AGBL4: variants seen among roughly 807,000 people sequenced by gnomAD.
AGBL4 encodes the protein cytosolic carboxypeptidase 6.
Under a neutral mutation model 66.4 loss-of-function variants are expected in AGBL4, and 58 were observed. That is an observed-to-expected ratio of 0.87 (90% confidence interval 0.71 to 1.09). AGBL4 has a LOEUF of 1.09. Among genes scored for constraint, AGBL4 ranks in the 50% least tolerant of loss-of-function variants. The pLI is 0.00. For missense variants in AGBL4, 579 were observed against 631.0 expected, an observed-to-expected ratio of 0.92 and a Z score of 0.88; for synonymous variants, 234 against 222.9, an observed-to-expected ratio of 1.05 and a Z score of -0.44.
chr1:48,862,788 T>C (rs978553717), intron 6 of AGBL4, among the ~76,000 whole-genome samples: 7 of 152,204 alleles, frequency 4.6e-5, no homozygotes, highest in Non-Finnish European at 1.0e-4. Context: ...GCTTTTAAGC[T>C]TATATAAATG....
intron 4 of AGBL4, among the ~76,000 whole-genome samples, chr1:49,151,865 A>G (rs1038022838): frequency 6.6e-6 from 1 of 152,174 alleles, no homozygotes; most frequent in Non-Finnish European, 1.5e-5. Context: ...AATACCTATT[A>G]ACATCTATTT....
intron 6 of AGBL4, among the ~76,000 whole-genome samples, chr1:48,685,273 A>G (rs1299809305): frequency 2.6e-5 from 4 of 152,252 alleles, no homozygotes; most frequent in Non-Finnish European, 5.9e-5. Flanking sequence ...AATAATGTCC[A>G]TGGGGCTAAT....
intron 6 of AGBL4, among the ~76,000 whole-genome samples, chr1:48,778,442 G>A (rs1645195245): frequency 6.6e-6 from 1 of 152,176 alleles, no homozygotes; most frequent in African/African-American, 2.4e-5. Flanking sequence ...TATTAAAGAA[G>A]TATAAGCAAG....
intron 8 of AGBL4, among the ~76,000 whole-genome samples, chr1:48,637,062 G>T (rs1396322361): frequency 6.6e-6 from 1 of 152,176 alleles, no homozygotes; most frequent in Non-Finnish European, 1.5e-5. Context: ...GAAGGAAGAA[G>T]ATATGCTTAC....
intron 3 of AGBL4, among the ~76,000 whole-genome samples, chr1:49,505,324 G>A (rs905220614): frequency 1.3e-4 from 20 of 150,756 alleles, no homozygotes; most frequent in African/African-American, 4.6e-4. Context: ...TAACCAGTGA[G>A]TTTTATATTC....
chr1:49,737,868 T>C (rs1311038594), intron 2 of AGBL4, among the ~76,000 whole-genome samples: 1 of 152,216 alleles, frequency 6.6e-6, no homozygotes, highest in Non-Finnish European at 1.5e-5. Context: ...TAGGAATAGC[T>C]CCACTCTATA....
At chr1:49,280,187 C>T (rs189108258) in intron 3 of AGBL4, among the ~76,000 whole-genome samples, 2 of 151,990 alleles carry the variant, frequency 1.3e-5, no homozygotes, top group Non-Finnish European at 2.9e-5. Context: ...TATGATTGCA[C>T]CCCCAACCAG....
chr1:49,969,753 T>C (rs1361633219), intron 1 of AGBL4, among the ~76,000 whole-genome samples: 1 of 152,222 alleles, frequency 6.6e-6, no homozygotes, highest in African/African-American at 2.4e-5. Flanking sequence ...CTTTATCTAT[T>C]CATCCACTGA....
At chr1:49,439,580 G>A (rs1203638424) in intron 3 of AGBL4, among the ~76,000 whole-genome samples, 3 of 152,102 alleles carry the variant, frequency 2.0e-5, no homozygotes, top group Non-Finnish European at 2.9e-5. Flanking sequence ...TGTCTGTGAG[G>A]GTGCTGCCAA....
At chr1:49,340,435 A>G (rs939097580) in intron 3 of AGBL4, among the ~76,000 whole-genome samples, 1 of 152,170 alleles carries the variant, frequency 6.6e-6, no homozygotes, top group African/African-American at 2.4e-5. Context: ...AATCCTATCA[A>G]GACAAATGAA....
chr1:49,432,218 A>G (rs1317042784), intron 3 of AGBL4, among the ~76,000 whole-genome samples: 1 of 152,196 alleles, frequency 6.6e-6, no homozygotes, highest in Non-Finnish European at 1.5e-5. Context: ...GACCTTAATT[A>G]TAGATTAAAA....
At chr1:48,802,911 G>T (rs558525717) in intron 6 of AGBL4, among the ~76,000 whole-genome samples, 1 of 152,228 alleles carries the variant, frequency 6.6e-6, no homozygotes, top group African/African-American at 2.4e-5. Flanking sequence ...ATAGACCTCT[G>T]GTTCCAACCC....
At chr1:49,263,314 T>G (rs1052721436) in intron 3 of AGBL4, among the ~76,000 whole-genome samples, 1 of 151,604 alleles carries the variant, frequency 6.6e-6, no homozygotes, top group Admixed American at 6.6e-5. Context: ...ATAATAAAAT[T>G]AAATAAATAG....
At chr1:49,846,198 C>T (rs1646138165) in intron 2 of AGBL4, 6 of 1,460,234 alleles carry the variant, frequency 4.1e-6, no homozygotes, top group South Asian at 3.4e-5. Context: ...CACAGCTCCT[C>T]ACTCAGCCAG....
chr1:49,352,097 T>C (rs921104319), intron 3 of AGBL4, among the ~76,000 whole-genome samples: 18 of 152,194 alleles, frequency 1.2e-4, no homozygotes, highest in African/African-American at 4.3e-4. Flanking sequence ...TGACAAACCT[T>C]TAATCCTTTA....
chr1:49,968,433 A>G (rs956956090), intron 1 of AGBL4, among the ~76,000 whole-genome samples: 2 of 152,164 alleles, frequency 1.3e-5, no homozygotes, highest in African/African-American at 2.4e-5. Context: ...AGCCAATTCT[A>G]TATAACTTTA....
intron 2 of AGBL4, among the ~76,000 whole-genome samples, chr1:49,847,702 C>T (rs1440150988): frequency 1.3e-5 from 2 of 151,148 alleles, no homozygotes; most frequent in Non-Finnish European, 2.9e-5. Context: ...GGCAAATAAA[C>T]TTGTTTTTTT....
At chr1:49,873,484 A>G (rs1463863108) in intron 1 of AGBL4, among the ~76,000 whole-genome samples, 2 of 152,162 alleles carry the variant, frequency 1.3e-5, no homozygotes, top group African/African-American at 4.8e-5. Context: ...CGAGTCATGC[A>G]ATAAACTGCC....
At chr1:49,865,719 T>A (rs1159884972) in intron 1 of AGBL4, among the ~76,000 whole-genome samples, 3 of 152,082 alleles carry the variant, frequency 2.0e-5, no homozygotes, top group Non-Finnish European at 4.4e-5. Context: ...GATTGCAACA[T>A]CTCTCCAGCA....
Sources: gnomAD v4.1 joint callset for allele counts (sites outside exome capture counted in the v4.1 genomes callset) on GRCh38, gnomAD v4.1.1 for gene constraint, MANE v1.5 for transcripts, NCBI Gene and HGNC (gene_info 2026-07-23, HGNC 2026-07-21) for gene names.